AADAT: variants seen among roughly 807,000 people sequenced by gnomAD.
AADAT encodes kynurenine/alpha-aminoadipate aminotransferase, mitochondrial.
Under a neutral mutation model 56.2 loss-of-function variants are expected in AADAT, and 25 were observed. The ratio of observed to expected loss-of-function variants is 0.44; its 90% confidence interval spans 0.32 to 0.62. The LOEUF is 0.62. Among genes scored for constraint, AADAT ranks in the 20% least tolerant of loss-of-function variants. AADAT has a pLI of 0.04. For synonymous variants in AADAT, 173 were observed against 164.7 expected, an observed-to-expected ratio of 1.05 and a Z score of -0.39; for missense variants, 387 against 510.5, an observed-to-expected ratio of 0.76 and a Z score of 2.33.
intron 1 of AADAT, 141 bp downstream of exon 1, chr4:170,089,483 G>T: frequency 1.1e-6 from 1 of 884,754 alleles, no homozygotes; most frequent in Non-Finnish European, 1.8e-6. Flanking sequence ...TTTCATTTCT[G>T]CACGCAGAGC....
rs1731140802 is a variant in AADAT, at chr4:170,060,426, A to G, written c.*502T>C. ...CTTCTTTAAAATCTCAAAATAATTC[A>G]GTGTAAAATGTTAGTTTCAAAGACA... On this transcript the variant is annotated 3_prime_UTR_variant, in exon 13 of 13. Coordinates refer to ENST00000337664, the MANE Select transcript of AADAT (RefSeq NM_016228.4). 1 of 152,292 alleles carries G rather than the reference A, an allele frequency of 6.6e-6. No homozygotes were observed. Among genetic ancestry groups the G allele is most frequent in the Non-Finnish European group, 1.5e-5 (1 of 68,070 alleles). 9.4% of individuals were successfully genotyped at this position (152,292 alleles called of 1,614,324 possible). A position where few individuals can be genotyped will look rare whatever the true frequency, so the allele number is the denominator to read the frequency against.
intron 12 of AADAT, 115 bp downstream of exon 12, chr4:170,061,777 G>C: frequency 1.5e-6 from 1 of 680,488 alleles, no homozygotes; most frequent in Non-Finnish European, 2.2e-6. Context: ...ACAAATATCT[G>C]AATTTTAGAA....
At position 170,068,632 on chromosome 4, in the gene AADAT, G is replaced by C. The variant is rs762489440; in HGVS notation, c.859C>G (p.His287Asp). 6.2e-7 allele frequency: 1 copy of C among 1,607,730 alleles called. No homozygotes were observed. The highest frequency in any genetic ancestry group is 1.1e-5 in the South Asian group (1 of 89,336). The change falls in exon 8 of 13, where the codon CAC (histidine) becomes GAC (aspartate). Residue 287 changes from histidine to aspartate, a missense_variant. Physicochemically the swap from His to Asp is moderately conservative, Grantham distance 81 (BLOSUM62 -1). Transcript: ENST00000337664. ...PKPLIERVIL[H>D]IQVSTLHPST... ...GGGTGCAATGTTGAAACTTGTATGT[G>C]TAAAATAACTCTCTCTATTAAGGGT...
Position 170,073,354 on chromosome 4 carries a change from C to T in AADAT, c.445-9G>A, listed in dbSNP as rs1360012200. 1.9e-6 allele frequency: 3 copies of T among 1,610,256 alleles called. No individual in the cohort carries two copies. In the Admixed American group the frequency reaches 5.0e-5, roughly 27 times the overall value. ...CAGCCCAGTGGGTGCAGCTGTTGAG[C>T]ACAAAAGAAAGCCTGAGTCAGTCAT... On this transcript the variant is annotated splice_polypyrimidine_tract_variant and intron_variant, in intron 4 of 12. Transcript: ENST00000337664.
chr4:170,082,290 T>A (rs1732356098), intron 3 of AADAT, among the ~76,000 whole-genome samples: 1 of 152,160 alleles, frequency 6.6e-6, no homozygotes, highest in Non-Finnish European at 1.5e-5. Flanking sequence ...AATAGAGGAT[T>A]TTTTTATGTT....
chr4:170,092,381 C>G (rs900173522), upstream of AADAT, among the ~76,000 whole-genome samples: 3 of 152,252 alleles, frequency 2.0e-5, no homozygotes, highest in Non-Finnish European at 4.4e-5. Context: ...AGCTGTAACA[C>G]TCACCGCCAA....
chr4:170,078,224 A>T (rs1336283283), intron 4 of AADAT, among the ~76,000 whole-genome samples: 2 of 152,222 alleles, frequency 1.3e-5, no homozygotes, highest in African/African-American at 4.8e-5. Context: ...TAAAATATTA[A>T]GAGAATTGGA....
intron 5 of AADAT, 102 bp downstream of exon 5, chr4:170,073,034 T>C: frequency 8.9e-7 from 1 of 1,120,630 alleles, no homozygotes; most frequent in South Asian, 1.6e-5. Flanking sequence ...TTATATTCCT[T>C]GAAAGCAAAA....
intron 7 of AADAT, 103 bp from the exon 8 acceptor site, chr4:170,068,790 A>G: frequency 1.4e-6 from 1 of 724,054 alleles, no homozygotes; most frequent in Non-Finnish European, 2.3e-6. Context: ...TGGGGACAAA[A>G]GGATCTAGAT....
chr4:170,088,777 G>A (rs1168060187), intron 1 of AADAT, among the ~76,000 whole-genome samples: 1 of 152,138 alleles, frequency 6.6e-6, no homozygotes, highest in South Asian at 2.1e-4. Flanking sequence ...GAGGTGATTA[G>A]GTCAGGAGGG....
intron 5 of AADAT, among the ~76,000 whole-genome samples, chr4:170,071,591 C>T (rs955625037): frequency 2.0e-5 from 3 of 152,298 alleles, no homozygotes; most frequent in South Asian, 2.1e-4. Flanking sequence ...CACCGGAGGG[C>T]TGTAAACAGG....
intron 1 of AADAT, 166 bp downstream of exon 1, chr4:170,089,458 C>T: frequency 1.3e-6 from 1 of 753,224 alleles, no homozygotes; most frequent in Non-Finnish European, 2.2e-6. Context: ...TCTTTGAGAA[C>T]AAAGGCTGTG....
chr4:170,072,110 G>A (rs1731794596), intron 5 of AADAT, among the ~76,000 whole-genome samples: 2 of 152,126 alleles, frequency 1.3e-5, no homozygotes. Flanking sequence ...TGTACGTAAT[G>A]GAATAGACAG....
At chr4:170,062,575 G>A (rs912979349) in intron 11 of AADAT, among the ~76,000 whole-genome samples, 2 of 152,186 alleles carry the variant, frequency 1.3e-5, no homozygotes, top group African/African-American at 4.8e-5. Context: ...TCAAGATGGG[G>A]TGGTCGGAAC....
upstream of AADAT, among the ~76,000 whole-genome samples, chr4:170,092,523 G>A (rs995149070): frequency 1.3e-5 from 2 of 152,154 alleles, no homozygotes; most frequent in Non-Finnish European, 1.5e-5. Flanking sequence ...CACACCGCGA[G>A]TGTCTGCGGC....
At chr4:170,076,406 C>T (rs1732035372) in intron 4 of AADAT, among the ~76,000 whole-genome samples, 1 of 152,176 alleles carries the variant, frequency 6.6e-6, no homozygotes, top group Non-Finnish European at 1.5e-5. Flanking sequence ...GTACTAACCA[C>T]TACACGATCA....
At chr4:170,070,141 T>G (rs1192655168) in intron 6 of AADAT, among the ~76,000 whole-genome samples, 6 of 152,016 alleles carry the variant, frequency 3.9e-5, no homozygotes, top group Non-Finnish European at 1.5e-5. Flanking sequence ...CTCTTTCTCC[T>G]TCAGCTTGAG....
intron 3 of AADAT, 138 bp downstream of exon 3, chr4:170,086,978 T>A: frequency 5.5e-6 from 6 of 1,094,384 alleles, no homozygotes; most frequent in African/African-American, 1.6e-5. Flanking sequence ...TTTAGTTCCC[T>A]GTTTATAATT....
chr4:170,068,819 AAACT>A (rs759868270), intron 7 of AADAT, 132 bp from the exon 8 acceptor site: 66 of 600,470 alleles, frequency 1.1e-4, no homozygotes, highest in Non-Finnish European at 1.6e-4. Context: ...CATTCTAATA[AAACT>A]AACTACTTCT....
Sources: gnomAD v4.1 joint callset for allele counts (sites outside exome capture counted in the v4.1 genomes callset) on GRCh38, gnomAD v4.1.1 for gene constraint, MANE v1.5 for transcripts, NCBI Gene and HGNC (gene_info 2026-07-23, HGNC 2026-07-21) for gene names.